Variants in TIAM1 observed in about 807,000 individuals in gnomAD.
TIAM1 encodes rho guanine nucleotide exchange factor TIAM1.
A neutral mutation model predicts 163.5 loss-of-function variants in TIAM1; 65 were observed. The observed-to-expected ratio is 0.40, with a 90% confidence interval of 0.33 to 0.49. The LOEUF is 0.49. TIAM1 is among the 20% of genes least tolerant of loss of function. The pLI, the probability that TIAM1 is intolerant of heterozygous loss-of-function variation, is 0.77. For synonymous variants in TIAM1, 833 were observed against 810.1 expected, an observed-to-expected ratio of 1.03 and a Z score of -0.48; for missense variants, 1,789 against 2,044.7, an observed-to-expected ratio of 0.87 and a Z score of 2.41.
intron 6 of TIAM1, among the ~76,000 whole-genome samples, chr21:31,240,687 G>T (rs529795456): frequency 6.6e-6 from 1 of 152,196 alleles, no homozygotes; most frequent in African/African-American, 2.4e-5. Flanking sequence ...ACTCCAGGGG[G>T]TGCTTGTGAA....
intron 11 of TIAM1, among the ~76,000 whole-genome samples, chr21:31,207,964 T>C (rs2086539142): frequency 6.6e-6 from 1 of 152,202 alleles, no homozygotes; most frequent in Non-Finnish European, 1.5e-5. Context: ...GAAAAAGACC[T>C]GAAGGCCCAG....
rs984499526 is a variant in TIAM1, at chr21:31,244,431, A to C, written c.1584+1057T>G. ...CCGTTATATGTGAACACTTTTAAGA[A>C]GACGAACTGTCAGCTGGGCGCAGTG... is the stretch of plus-strand genomic sequence containing the variant. On this transcript the variant is annotated intron_variant, in intron 6 of 27. Transcript: ENST00000541036. Among the ~76,000 whole-genome samples the C allele has an allele frequency of 5.3e-5, 8 of 152,326 alleles. No homozygotes were observed. The East Asian group carries it at 1.5e-3, about 29-fold the overall frequency.
At chr21:31,358,900 T>C (rs2076358044) in intron 2 of TIAM1, among the ~76,000 whole-genome samples, 1 of 152,172 alleles carries the variant, frequency 6.6e-6, no homozygotes, top group Admixed American at 6.5e-5. Flanking sequence ...CCACAAAGCA[T>C]ATCACCCCTC....
intron 2 of TIAM1, among the ~76,000 whole-genome samples, chr21:31,375,842 C>T (rs1256906159): frequency 6.6e-6 from 1 of 151,902 alleles, no homozygotes; most frequent in Non-Finnish European, 1.5e-5. Context: ...GCCTGACCAA[C>T]ATGGTGAAAC....
intron 3 of TIAM1, among the ~76,000 whole-genome samples, chr21:31,273,785 G>C (rs1246353044): frequency 6.6e-6 from 1 of 152,148 alleles, no homozygotes; most frequent in African/African-American, 2.4e-5. Flanking sequence ...CCAGATGTTG[G>C]AATTATCACA....
At chr21:31,260,261 G>A (rs1459672209) in intron 4 of TIAM1, among the ~76,000 whole-genome samples, 3 of 144,310 alleles carry the variant, frequency 2.1e-5, no homozygotes, top group Non-Finnish European at 3.0e-5. Context: ...TTTTTGAGAC[G>A]GAGTCTCACT....
chr21:31,430,508 CTTATGTA>C (rs1366574080), intron 2 of TIAM1, among the ~76,000 whole-genome samples: 1 of 151,840 alleles, frequency 6.6e-6, no homozygotes, highest in East Asian at 1.9e-4. Context: ...AGCGTTTATA[CTTATGTA>C]TTATGTATAA....
At chr21:31,156,679 G>C (rs143656314) in intron 16 of TIAM1, among the ~76,000 whole-genome samples, 309 of 152,270 alleles carry the variant, frequency 2.0e-3, no homozygotes, top group South Asian at 4.6e-3. Context: ...ATGATCCAGT[G>C]ATAACTGTAA....
chr21:31,295,467 CA>C (rs1454036090), intron 2 of TIAM1, among the ~76,000 whole-genome samples: 3 of 34,286 alleles, frequency 8.7e-5, no homozygotes, highest in Non-Finnish European at 1.4e-4. Context: ...GAGACTCCAT[CA>C]CAAAAAAAAA....
intron 1 of TIAM1, among the ~76,000 whole-genome samples, chr21:31,547,976 A>G (rs1334563850): frequency 6.6e-6 from 1 of 152,214 alleles, no homozygotes. Flanking sequence ...TTTCTACTGT[A>G]TAAAAGGAAG....
chr21:31,456,129 G>A (rs1484706527), intron 2 of TIAM1, among the ~76,000 whole-genome samples: 2 of 152,132 alleles, frequency 1.3e-5, no homozygotes, highest in Admixed American at 6.6e-5. Context: ...TCCAGAAGGG[G>A]GTTGTTGGAA....
chr21:31,225,656 C>CAAAA, intron 7 of TIAM1, 70 bp downstream of exon 7: 43 of 1,082,206 alleles, frequency 4.0e-5, no homozygotes, highest in African/African-American at 1.6e-4. Context: ...TCCAAAACAG[C>CAAAA]AAAAAAAAAA....
intron 2 of TIAM1, among the ~76,000 whole-genome samples, chr21:31,440,551 C>A (rs928653719): frequency 1.3e-5 from 2 of 152,172 alleles, no homozygotes; most frequent in African/African-American, 2.4e-5. Flanking sequence ...TGATTCTTAG[C>A]AGAATAGGTT....
chr21:31,332,582 T>TCA lies in TIAM1; in HGVS notation c.-189+6659_-189+6660dup, dbSNP rs574553395. Among the ~76,000 whole-genome samples the TCA allele has an allele frequency of 1.9e-3, 283 of 151,568 alleles. 5 individuals carry two copies. In the South Asian group the frequency reaches 0.029, roughly 15 times the overall value. ...ATGACTGAGCTTACCAGAAATACCC[T>TCA]CACTCACCTCACTCAAAAAAACTTT... On this transcript the variant is annotated intron_variant, in intron 2 of 27. Transcript: ENST00000541036.
chr21:31,393,575 C>T (rs2077003282), intron 2 of TIAM1, among the ~76,000 whole-genome samples: 1 of 152,148 alleles, frequency 6.6e-6, no homozygotes, highest in African/African-American at 2.4e-5. Flanking sequence ...TGTCGGGAAT[C>T]CTCTCCACCA....
chr21:31,534,932 C>A (rs1047265976), intron 1 of TIAM1, among the ~76,000 whole-genome samples: 4 of 152,058 alleles, frequency 2.6e-5, no homozygotes, highest in Non-Finnish European at 5.9e-5. Flanking sequence ...TGACGAAACC[C>A]CATCTCTACA....
chr21:31,122,794 G>A (rs2082051685), intron 27 of TIAM1, among the ~76,000 whole-genome samples: 1 of 152,198 alleles, frequency 6.6e-6, no homozygotes, highest in African/African-American at 2.4e-5. Flanking sequence ...ATGAGTATCT[G>A]TTCCTAGTAT....
At chr21:31,273,976 G>A (rs1048157402) in intron 3 of TIAM1, among the ~76,000 whole-genome samples, 1 of 152,186 alleles carries the variant, frequency 6.6e-6, no homozygotes, top group African/African-American at 2.4e-5. Flanking sequence ...CAGCACTCTG[G>A]GGGGCCGAGG....
chr21:31,543,413 C>T (rs949317826), intron 1 of TIAM1, among the ~76,000 whole-genome samples: 1 of 152,170 alleles, frequency 6.6e-6, no homozygotes, highest in East Asian at 1.9e-4. Context: ...ACAGCAGCGC[C>T]GTGGGAGATG....
Sources: allele counts gnomAD v4.1 joint callset (sites outside exome capture counted in the v4.1 genomes callset), GRCh38; gene constraint gnomAD v4.1.1; transcripts MANE v1.5; gene names NCBI Gene and HGNC (gene_info 2026-07-23, HGNC 2026-07-21).